The following CYP2C19 variants were observed in gnomAD, a reference collection of about 807,000 sequenced individuals.
CYP2C19 encodes the protein cytochrome P450 2C19.
A neutral mutation model predicts 40.9 loss-of-function variants in CYP2C19; 59 were observed. The ratio of observed to expected loss-of-function variants is 1.44; its 90% CI spans 1.17 to 1.79. The LOEUF (loss-of-function observed/expected upper bound fraction) is 1.79, where lower values mean the gene tolerates loss of function less well. Among genes scored for constraint, CYP2C19 ranks in the 40% most tolerant of loss-of-function variants. CYP2C19 has a pLI of 0.00. For missense variants in CYP2C19, 754 were observed against 596.9 expected, an observed-to-expected ratio of 1.26 and a Z score of -2.74; for synonymous variants, 253 against 208.7, an observed-to-expected ratio of 1.21 and a Z score of -1.83.
chr10:94,796,853 C>T (rs781677797), intron 5 of CYP2C19, among the ~76,000 whole-genome samples: 1 of 152,120 alleles, frequency 6.6e-6, no homozygotes, highest in Non-Finnish European at 1.5e-5. Context: ...TATCCTGAGA[C>T]TTTACTGAAG....
chr10:94,803,787 G>A (rs182862221), intron 5 of CYP2C19, among the ~76,000 whole-genome samples: 7 of 152,312 alleles, frequency 4.6e-5, no homozygotes, highest in African/African-American at 7.2e-5. Flanking sequence ...ATCTGTCTGA[G>A]TGTGAAGGAG....
chr10:94,785,120 T>C (rs935864460), intron 5 of CYP2C19, among the ~76,000 whole-genome samples: 2 of 152,142 alleles, frequency 1.3e-5, no homozygotes, highest in African/African-American at 4.8e-5. Flanking sequence ...CTGTTGGTTG[T>C]CATTTCACAT....
intron 1 of CYP2C19, among the ~76,000 whole-genome samples, chr10:94,763,579 G>T (rs964694734): frequency 6.6e-6 from 1 of 152,028 alleles, no homozygotes; most frequent in Non-Finnish European, 1.5e-5. Context: ...TATACAGAGA[G>T]TAAAGGGCTG....
intron 1 of CYP2C19, among the ~76,000 whole-genome samples, chr10:94,772,548 A>G (rs899185869): frequency 2.0e-5 from 3 of 152,136 alleles, no homozygotes; most frequent in Non-Finnish European, 4.4e-5. Context: ...CTTGGGTGAC[A>G]TGACTTTGAG....
intron 6 of CYP2C19, among the ~76,000 whole-genome samples, chr10:94,827,811 A>G (rs1849255028): frequency 6.6e-6 from 1 of 151,658 alleles, no homozygotes; most frequent in Admixed American, 6.6e-5. Context: ...AGTGCCATAA[A>G]TTTCCCTCTA....
chr10:94,846,459 C>G (rs1031953836), intron 7 of CYP2C19, among the ~76,000 whole-genome samples: 1 of 152,102 alleles, frequency 6.6e-6, no homozygotes, highest in Non-Finnish European at 1.5e-5. Flanking sequence ...CCAGATCTCT[C>G]CATTGAAGGA....
At chr10:94,821,758 C>G (rs1242524395) in intron 6 of CYP2C19, among the ~76,000 whole-genome samples, 1 of 151,882 alleles carries the variant, frequency 6.6e-6, no homozygotes, top group Non-Finnish European at 1.5e-5. Flanking sequence ...TTTTTTTGAA[C>G]AATTACTAAC....
chr10:94,821,857 C>G (rs767046517), intron 6 of CYP2C19, among the ~76,000 whole-genome samples: 1 of 151,844 alleles, frequency 6.6e-6, no homozygotes, highest in Non-Finnish European at 1.5e-5. Context: ...TTGTGTAACA[C>G]TGAGTCTCGG....
At chr10:94,848,047 G>A (rs373113005) in intron 7 of CYP2C19, among the ~76,000 whole-genome samples, 7 of 152,132 alleles carry the variant, frequency 4.6e-5, no homozygotes, top group South Asian at 2.1e-4. Context: ...CTCTGATGGT[G>A]GTTTCTTTTG....
At chr10:94,828,149 G>T (rs551701382) in intron 6 of CYP2C19, among the ~76,000 whole-genome samples, 4 of 151,990 alleles carry the variant, frequency 2.6e-5, no homozygotes, top group African/African-American at 9.7e-5. Flanking sequence ...GTTGATTTGG[G>T]GTGGAGAGTT....
rs59734894 is a variant in CYP2C19 at position 94,842,860 on chromosome 10, C to G, written c.985C>G (p.Arg329Gly). 7.4e-6 allele frequency: 12 copies of G among 1,614,116 alleles called. No homozygotes were observed. Among genetic ancestry groups the G allele is most frequent in the Non-Finnish European group, 1.0e-5 (12 of 1,179,990 alleles). The change falls in exon 7 of 9, where the codon CGT becomes GGT. Residue 329 changes from arginine to glycine, a missense_variant. Physicochemically the swap from Arg to Gly is moderately radical, Grantham distance 125. Transcript: ENST00000371321. ...AGCTAAAGTCCAGGAAGAGATTGAA[C>G]GTGTCATTGGCAGAAACCGGAGCCC... Reference protein sequence around the residue: ...VTAKVQEEIERVIGRNRSPCM... With the variant: ...VTAKVQEEIEGVIGRNRSPCM...
chr10:94,770,542 T>A (rs1848314463), intron 1 of CYP2C19, among the ~76,000 whole-genome samples: 1 of 152,100 alleles, frequency 6.6e-6, no homozygotes. Flanking sequence ...CCAGTTTTAA[T>A]AATGCCTCCA....
Position 94,849,858 on chromosome 10 carries a change from G to A in CYP2C19, c.1150-59G>A, listed in dbSNP as rs535802673. Reference sequence around the variant, plus strand: ...AAGATTTAACTGCATGATTACCACTGTTTCTTAAACCTTCGTGACTTCTTT... The same window carrying A: ...AAGATTTAACTGCATGATTACCACTATTTCTTAAACCTTCGTGACTTCTTT... On this transcript the variant is annotated intron_variant, in intron 7 of 8. Coordinates refer to ENST00000371321, the MANE Select transcript of CYP2C19 (RefSeq NM_000769.4). 38 of 1,597,704 alleles carry A rather than the reference G, an allele frequency of 2.4e-5. No homozygotes were observed. The Middle Eastern group carries it at 1.8e-3, about 77-fold the overall frequency.
intron 6 of CYP2C19, among the ~76,000 whole-genome samples, chr10:94,831,447 A>G (rs192378940): frequency 2.0e-4 from 30 of 152,280 alleles, no homozygotes; most frequent in Non-Finnish European, 3.4e-4. Context: ...AACTTACAAT[A>G]TATATTTTTA....
chr10:94,798,120 G>A (rs1462310141), intron 5 of CYP2C19, among the ~76,000 whole-genome samples: 1 of 151,932 alleles, frequency 6.6e-6, no homozygotes, highest in Non-Finnish European at 1.5e-5. Flanking sequence ...TTTCTCTTGT[G>A]CATATTTAGT....
At chr10:94,845,574 T>C (rs1436444974) in intron 7 of CYP2C19, among the ~76,000 whole-genome samples, 1 of 152,162 alleles carries the variant, frequency 6.6e-6, no homozygotes, top group Non-Finnish European at 1.5e-5. Context: ...GACTGAGTTT[T>C]AACTTTCCCA....
At chr10:94,830,490 G>A (rs1311232445) in intron 6 of CYP2C19, among the ~76,000 whole-genome samples, 1 of 152,190 alleles carries the variant, frequency 6.6e-6, no homozygotes. Context: ...TCCCAAGTGA[G>A]GCAATGCCTC....
At chr10:94,767,650 T>C (rs1388945466) in intron 1 of CYP2C19, among the ~76,000 whole-genome samples, 1 of 152,188 alleles carries the variant, frequency 6.6e-6, no homozygotes, top group Non-Finnish European at 1.5e-5. Flanking sequence ...CCTGTCGGAT[T>C]GTCCAGAGGA....
chr10:94,821,060 G>A (rs1479743113), intron 6 of CYP2C19, among the ~76,000 whole-genome samples: 1 of 152,072 alleles, frequency 6.6e-6, no homozygotes, highest in African/African-American at 2.4e-5. Context: ...TCTAGCCTGG[G>A]TGACAGAGTG....
Sources: gnomAD v4.1 joint callset for allele counts (sites outside exome capture counted in the v4.1 genomes callset) on GRCh38, gnomAD v4.1.1 for gene constraint, MANE v1.5 for transcripts, NCBI Gene and HGNC (gene_info 2026-07-23, HGNC 2026-07-21) for gene names.